The following INSC variants were observed in gnomAD, a reference collection of about 807,000 sequenced individuals.
The protein encoded by INSC is INSC spindle orientation adaptor protein, also known as protein inscuteable homolog.
Under a neutral mutation model 58.6 loss-of-function variants are expected in INSC, and 67 were observed. The ratio of observed to expected loss-of-function variants is 1.14; its 90% CI spans 0.94 to 1.40. INSC has a LOEUF of 1.40. INSC is among the 40% of genes most tolerant of loss of function. INSC has a pLI of 0.00. For missense variants in INSC, 714 were observed against 692.0 expected, an observed-to-expected ratio of 1.03 and a Z score of -0.36; for synonymous variants, 262 against 276.1, an observed-to-expected ratio of 0.95 and a Z score of 0.51.
At chr11:15,174,117 C>T (rs1248812481) in intron 2 of INSC, among the ~76,000 whole-genome samples, 3 of 151,934 alleles carry the variant, frequency 2.0e-5, no homozygotes, top group Non-Finnish European at 4.4e-5. Context: ...TGACTATTCC[C>T]ATGCTACTCT....
chr11:15,180,686 G>C (rs1227989447), intron 5 of INSC, among the ~76,000 whole-genome samples: 3 of 91,168 alleles, frequency 3.3e-5, no homozygotes, highest in East Asian at 1.3e-3. Context: ...TAGGAGTGAG[G>C]GGGGGGGCGG....
At chr11:15,156,555 T>C (rs907379137) in intron 2 of INSC, among the ~76,000 whole-genome samples, 42 of 152,184 alleles carry the variant, frequency 2.8e-4, no homozygotes, top group African/African-American at 9.9e-4. Context: ...ATTAAGCCAT[T>C]AAGATTGAAT....
chr11:15,177,826 C>A (rs1313961499), intron 4 of INSC, among the ~76,000 whole-genome samples: 1 of 152,160 alleles, frequency 6.6e-6, no homozygotes, highest in Admixed American at 6.5e-5. Flanking sequence ...TAAATTGGAA[C>A]CTGATCCCCC....
At chr11:15,163,066 A>T (rs960434316) in intron 2 of INSC, among the ~76,000 whole-genome samples, 3 of 152,148 alleles carry the variant, frequency 2.0e-5, no homozygotes, top group Non-Finnish European at 4.4e-5. Context: ...TTCTTGAAGG[A>T]TTTTTGCCCA....
At chr11:15,241,227 G>A (rs1370565704) in intron 12 of INSC, among the ~76,000 whole-genome samples, 1 of 152,202 alleles carries the variant, frequency 6.6e-6, no homozygotes, top group South Asian at 2.1e-4. Flanking sequence ...ACATTTAGGA[G>A]TAGGGAAGCC....
chr11:15,144,900 A>C (rs1308838267), intron 1 of INSC, among the ~76,000 whole-genome samples: 1 of 152,224 alleles, frequency 6.6e-6, no homozygotes, highest in Non-Finnish European at 1.5e-5. Flanking sequence ...TAAGACTTCA[A>C]GTCTTTCTTG....
At chr11:15,154,657 T>C (rs1233632303) in intron 2 of INSC, among the ~76,000 whole-genome samples, 1 of 152,194 alleles carries the variant, frequency 6.6e-6, no homozygotes, top group African/African-American at 2.4e-5. Context: ...CTTCCACTGA[T>C]ATTCTGTGTG....
chr11:15,221,358 C>G, intron 7 of INSC, 119 bp from the exon 8 acceptor site: 1 of 1,215,226 alleles, frequency 8.2e-7, no homozygotes, highest in African/African-American at 1.5e-5. Context: ...CTGGGCTGTT[C>G]TGGGAAGCCA....
At chr11:15,230,009 ATATAATATAT>A (rs1276829458) in intron 9 of INSC, among the ~76,000 whole-genome samples, 25 of 26,612 alleles carry the variant, frequency 9.4e-4, no homozygotes, top group Non-Finnish European at 6.7e-4. Flanking sequence ...ATATATATAT[ATATAATATAT>A]ATATATATAT....
the INSC span, among the ~76,000 whole-genome samples, chr11:15,253,569 A>T: frequency 6.6e-6 from 1 of 152,184 alleles, no homozygotes; most frequent in Non-Finnish European, 1.5e-5. Flanking sequence ...CAAGCAAAAG[A>T]AAAGGAGGAA....
At chr11:15,188,603 T>C (rs1850057566) in intron 5 of INSC, among the ~76,000 whole-genome samples, 1 of 152,246 alleles carries the variant, frequency 6.6e-6, no homozygotes, top group Non-Finnish European at 1.5e-5. Flanking sequence ...GTGGAAAGGA[T>C]GCTTACAACT....
chr11:15,156,098 A>T (rs1346190502), intron 2 of INSC, among the ~76,000 whole-genome samples: 1 of 152,174 alleles, frequency 6.6e-6, no homozygotes, highest in Non-Finnish European at 1.5e-5. Context: ...TCCCCACTGT[A>T]TCACTACTTA....
chr11:15,177,532 C>T (rs1184267413), intron 4 of INSC, among the ~76,000 whole-genome samples: 1 of 152,164 alleles, frequency 6.6e-6, no homozygotes. Flanking sequence ...CGCACATACA[C>T]ATAGACTTCA....
chr11:15,247,143 A>G lies in INSC; in HGVS notation c.*1103A>G, dbSNP rs188195670. ...ATCATATTGTGATATAATTTATACA[A>G]TATAATATAATTGTGTAAAATCATG... On this transcript the variant is annotated 3_prime_UTR_variant, in exon 13 of 13. Transcript: ENST00000379556. 5 of 152,228 alleles carry G rather than the reference A, an allele frequency of 3.3e-5. No individual in the cohort carries two copies. Among genetic ancestry groups the G allele is most frequent in the African/African-American group, 9.6e-5 (4 of 41,496 alleles). The allele number at this position is 152,228 out of a possible 1,614,324, so 9.4% of individuals were successfully genotyped here. A position where few individuals can be genotyped will look rare whatever the true frequency, so the allele number is the denominator to read the frequency against.
chr11:15,138,257 G>T (rs1414326211), intron 1 of INSC, among the ~76,000 whole-genome samples: 1 of 152,074 alleles, frequency 6.6e-6, no homozygotes, highest in South Asian at 2.1e-4. Context: ...TGAAAAATTG[G>T]AAATATTATG....
the INSC span, among the ~76,000 whole-genome samples, chr11:15,269,633 T>A: frequency 1.3e-5 from 2 of 151,980 alleles, no homozygotes; most frequent in African/African-American, 4.8e-5. Context: ...ACTAGGTAAG[T>A]GAGATCATCT....
At chr11:15,112,476 C>A (rs780403672), upstream of INSC, 1 of 1,606,264 alleles carries the variant, frequency 6.2e-7, no homozygotes, top group Admixed American at 1.7e-5. Flanking sequence ...AGCCATGAGA[C>A]GGCCCCCTGG....
At chr11:15,153,114 A>T (rs1448678653) in intron 2 of INSC, among the ~76,000 whole-genome samples, 3 of 152,192 alleles carry the variant, frequency 2.0e-5, no homozygotes, top group African/African-American at 4.8e-5. Context: ...GTACTTGAGG[A>T]CATGTTGGTG....
intron 2 of INSC, among the ~76,000 whole-genome samples, chr11:15,156,660 A>C (rs935765425): frequency 2.6e-5 from 4 of 152,230 alleles, no homozygotes; most frequent in Non-Finnish European, 5.9e-5. Context: ...CAAGTTATGT[A>C]ATGCCGCTAG....
Sources: gnomAD v4.1 joint callset for allele counts (sites outside exome capture counted in the v4.1 genomes callset) on GRCh38, gnomAD v4.1.1 for gene constraint, MANE v1.5 for transcripts, NCBI Gene and HGNC (gene_info 2026-07-23, HGNC 2026-07-21) for gene names.